AMOTL1: variants seen among roughly 807,000 people sequenced by gnomAD.
The protein encoded by AMOTL1 is angiomotin-like protein 1.
AMOTL1 carries 45 observed loss-of-function variants against 102.9 expected under a neutral mutation model. The ratio of observed to expected loss-of-function variants is 0.44; its 90% CI spans 0.34 to 0.56. The LOEUF (loss-of-function observed/expected upper bound fraction) is 0.56, where lower values mean the gene tolerates loss of function less well. Among genes scored for constraint, AMOTL1 ranks in the 20% least tolerant of loss-of-function variants. The pLI is 0.01. For missense variants in AMOTL1, 1,114 were observed against 1,225.6 expected (o/e 0.91, Z 1.36); for synonymous variants, 481 against 484.7 (o/e 0.99, Z 0.10).
intron 6 of AMOTL1, among the ~76,000 whole-genome samples, chr11:94,847,753 G>A (rs1019112409): frequency 3.5e-5 from 5 of 144,882 alleles, no homozygotes; most frequent in African/African-American, 5.0e-5. Flanking sequence ...GTATATATGC[G>A]GTGGGGGGGT....
upstream of AMOTL1, among the ~76,000 whole-genome samples, chr11:94,766,078 G>C (rs1328151391): frequency 6.6e-6 from 1 of 150,992 alleles, no homozygotes; most frequent in Non-Finnish European, 1.5e-5. Flanking sequence ...TGATTACTTT[G>C]TCCTTTTCCC....
intron 3 of AMOTL1, among the ~76,000 whole-genome samples, chr11:94,744,131 C>G (rs1394015998): frequency 6.6e-6 from 1 of 152,218 alleles, no homozygotes; most frequent in African/African-American, 2.4e-5. Flanking sequence ...AGACTATCTA[C>G]CACTTCAGAT....
At chr11:94,734,837 T>C (rs1027814428) in intron 2 of AMOTL1, among the ~76,000 whole-genome samples, 4 of 152,222 alleles carry the variant, frequency 2.6e-5, no homozygotes, top group African/African-American at 4.8e-5. Context: ...TCTTTCATGC[T>C]TGAAATTGGT....
At position 94,799,530 on chromosome 11, in the gene AMOTL1, G is replaced by A. The variant is rs771509658; in HGVS notation, c.340G>A (p.Glu114Lys). The change falls in exon 3 of 13, where the codon GAG becomes AAG. Residue 114 changes from glutamate to lysine, a missense_variant. By Grantham distance (56) the Glu-to-Lys change is moderately conservative. Coordinates refer to ENST00000433060, the MANE Select transcript of AMOTL1 (RefSeq NM_130847.3). This position sits in a 1 kb window ranked among gnomAD's most constrained non-coding sequence, Gnocchi z 4.5. ...QEQLRYGTPT[E>K]NMNLLAIQHQ... ...ACAACTGCGGTATGGCACCCCAACCGAGAACATGAACTTGCTGGCCATTCA... is the reference window on the plus strand; with the variant it reads ...ACAACTGCGGTATGGCACCCCAACCAAGAACATGAACTTGCTGGCCATTCA... The A allele has an allele frequency of 1.9e-6, 3 of 1,613,634 alleles. No individual in the cohort carries two copies. Among genetic ancestry groups the A allele is most frequent in the Admixed American group, 3.3e-5 (2 of 59,998 alleles).
chr11:94,720,516 A>T (rs1359973356), intron 1 of AMOTL1, among the ~76,000 whole-genome samples: 1 of 152,132 alleles, frequency 6.6e-6, no homozygotes, highest in African/African-American at 2.4e-5. Flanking sequence ...TGATGTGGAA[A>T]CATGATTGAG....
intron 1 of AMOTL1, among the ~76,000 whole-genome samples, chr11:94,706,808 C>T (rs891593320): frequency 1.5e-4 from 23 of 152,120 alleles, no homozygotes; most frequent in African/African-American, 4.8e-4. Flanking sequence ...GTGGTGGGCT[C>T]TCACAGTGGG....
At chr11:94,836,839 A>G (rs1442126314) in intron 6 of AMOTL1, among the ~76,000 whole-genome samples, 2 of 151,934 alleles carry the variant, frequency 1.3e-5, no homozygotes, top group East Asian at 1.9e-4. Context: ...ATTTCTCAAG[A>G]AAGGTGACAT....
At chr11:94,812,072 C>A (rs986637102) in intron 3 of AMOTL1, among the ~76,000 whole-genome samples, 1 of 152,096 alleles carries the variant, frequency 6.6e-6, no homozygotes, top group Non-Finnish European at 1.5e-5. Flanking sequence ...AGGGATTCTC[C>A]GGAGGGGAAG....
chr11:94,864,925 G>A, intron 10 of AMOTL1, 65 bp downstream of exon 10: 1 of 1,559,588 alleles, frequency 6.4e-7, no homozygotes, highest in East Asian at 2.3e-5. Context: ...TTCCAGAACA[G>A]ATTGCTTCTC....
At chr11:94,762,628 G>A (rs1038500309) in intron 3 of AMOTL1, among the ~76,000 whole-genome samples, 4 of 152,132 alleles carry the variant, frequency 2.6e-5, no homozygotes, top group African/African-American at 7.2e-5. Context: ...GTCATGTATC[G>A]AATATCTACT....
intron 6 of AMOTL1, among the ~76,000 whole-genome samples, chr11:94,834,943 T>G (rs1394646031): frequency 6.6e-6 from 1 of 152,198 alleles, no homozygotes; most frequent in Non-Finnish European, 1.5e-5. Context: ...CTTGGTGGAC[T>G]GCCTGGGTAA....
intron 3 of AMOTL1, among the ~76,000 whole-genome samples, chr11:94,801,452 G>T (rs4753625): frequency 0.27 from 40,345 of 151,900 alleles, 5,901 homozygotes; most frequent in East Asian, 0.46. Context: ...AGTTTAGAAT[G>T]TATCCATAAG....
intron 1 of AMOTL1, among the ~76,000 whole-genome samples, chr11:94,771,258 T>TTG (rs1555067523): frequency 9.5e-4 from 18 of 18,922 alleles, no homozygotes; most frequent in South Asian, 7.0e-3. Context: ...TTTGGCGGGG[T>TTG]TGGGGGGGGG....
At chr11:94,801,641 G>A (rs891330351) in intron 3 of AMOTL1, among the ~76,000 whole-genome samples, 3 of 152,118 alleles carry the variant, frequency 2.0e-5, no homozygotes, top group African/African-American at 7.2e-5. Flanking sequence ...AGGGAGAATA[G>A]AGGAGCATTA....
At chr11:94,843,190 A>G (rs189224157) in intron 6 of AMOTL1, among the ~76,000 whole-genome samples, 158 of 152,348 alleles carry the variant, frequency 1.0e-3, no homozygotes, top group African/African-American at 3.6e-3. Flanking sequence ...GTTGTATCAT[A>G]TTGCTTTTCT....
At position 94,768,482 on chromosome 11, in the gene AMOTL1, C is replaced by A. The variant is rs1171717791; in HGVS notation, c.-30C>A. On this transcript the variant is annotated 5_prime_UTR_variant, in exon 1 of 13. Transcript: ENST00000433060. ...GCTGCCCGGCAGCCGTCTTCCCCAG[C>A]CGAGGGACTGAACTAGCCATGATCG... 3 of 1,582,168 alleles carry A rather than the reference C, an allele frequency of 1.9e-6. No individual in the cohort carries two copies. The Admixed American group carries it at 5.4e-5, about 28-fold the overall frequency.
chr11:94,817,006 A>G (rs983136829), intron 3 of AMOTL1, among the ~76,000 whole-genome samples: 8 of 152,272 alleles, frequency 5.3e-5, no homozygotes, highest in African/African-American at 1.7e-4. Flanking sequence ...GATGAACACA[A>G]TTTTTTTGGA....
chr11:94,769,423 C>T (rs910894948), intron 1 of AMOTL1, among the ~76,000 whole-genome samples: 5 of 152,144 alleles, frequency 3.3e-5, no homozygotes, highest in African/African-American at 1.2e-4. Flanking sequence ...GCGCGCACCT[C>T]TAGGGCCTCC....
At chr11:94,804,657 T>G (rs1019023985) in intron 3 of AMOTL1, among the ~76,000 whole-genome samples, 1 of 152,134 alleles carries the variant, frequency 6.6e-6, no homozygotes, top group African/African-American at 2.4e-5. Context: ...GGGAAGGGAG[T>G]ATGTTTTGCT....
Sources: gnomAD v4.1 joint callset for allele counts (sites outside exome capture counted in the v4.1 genomes callset) on GRCh38, gnomAD v4.1.1 for gene constraint, Gnocchi (gnomAD v3.1) non-coding constraint, MANE v1.5 for transcripts, NCBI Gene and HGNC (gene_info 2026-07-23, HGNC 2026-07-21) for gene names.